GREB1: variants seen among roughly 807,000 people sequenced by gnomAD.
GREB1 encodes the protein protein GREB1.
GREB1 carries 106 observed loss-of-function variants against 200.7 expected under a neutral mutation model. The observed-to-expected ratio is 0.53, with a 90% confidence interval of 0.45 to 0.62. GREB1 has a LOEUF of 0.62. Among genes scored for constraint, GREB1 ranks in the 20% least tolerant of loss-of-function variants. The pLI is 0.00. For missense variants in GREB1, 2,243 were observed against 2,556.8 expected (o/e 0.88, Z 2.65); for synonymous variants, 1,132 against 1,092.4 (o/e 1.04, Z -0.72).
Position 11,627,751 on chromosome 2 carries a change from C to T in GREB1, c.4449+647C>T, listed in dbSNP as rs149699056. 3.7e-3 allele frequency among the ~76,000 whole-genome samples: 556 copies of T among 152,304 alleles called. 4 individuals are homozygous for T. The highest frequency in any genetic ancestry group is 0.013 in the African/African-American group (535 of 41,564). ...GGCCCTGGTGGGTCACCTGAAGCCA[C>T]GCCTGCAAGCCACCCAAGGTGTGCT... On this transcript the variant is annotated intron_variant, in intron 25 of 32. Coordinates refer to ENST00000381486, the MANE Select transcript of GREB1 (RefSeq NM_014668.4).
At chr2:11,623,771 A>T (rs955115698) in intron 23 of GREB1, among the ~76,000 whole-genome samples, 2 of 152,074 alleles carry the variant, frequency 1.3e-5, no homozygotes, top group African/African-American at 4.8e-5. Flanking sequence ...CGCGCCTGTA[A>T]TTTCAGCTAC....
At chr2:11,638,459 G>T (rs1479906692) in intron 31 of GREB1, among the ~76,000 whole-genome samples, 2 of 152,168 alleles carry the variant, frequency 1.3e-5, no homozygotes, top group East Asian at 3.9e-4. Context: ...CTGATTCTCA[G>T]ATGAACTCAT....
intron 3 of GREB1, 28 bp from the exon 4 acceptor site, chr2:11,566,452 G>A (rs949769172): frequency 1.6e-5 from 25 of 1,572,494 alleles, no homozygotes; most frequent in Non-Finnish European, 2.1e-5. Flanking sequence ...GCCCTGGGCA[G>A]CGTGTGAACC....
intron 1 of GREB1, among the ~76,000 whole-genome samples, chr2:11,546,288 A>C (rs1214012636): frequency 6.6e-6 from 1 of 152,172 alleles, no homozygotes; most frequent in Non-Finnish European, 1.5e-5. Context: ...TTTGTCATTG[A>C]GCTGTTGGAA....
chr2:11,591,820 G>C (rs1450161206), intron 10 of GREB1: 1 of 213,312 alleles, frequency 4.7e-6, no homozygotes, highest in Admixed American at 5.6e-5. Context: ...TGGTGCTCAC[G>C]TATGATGGGA....
Position 11,548,470 on chromosome 2 carries a change from C to T in GREB1, c.-161-7984C>T, listed in dbSNP as rs968799835. Among the ~76,000 whole-genome samples the T allele has an allele frequency of 1.3e-5, 2 of 152,210 alleles. No homozygotes were observed. Among genetic ancestry groups the T allele is most frequent in the Non-Finnish European group, 2.9e-5 (2 of 68,046 alleles). ...AAACTTTGTTTGAATCAGCACTCAC[C>T]ATAGACTTACAGTGTGAGTAACTAA... On this transcript the variant is annotated intron_variant, in intron 1 of 32. Transcript: ENST00000381486. This position sits in a 1 kb window ranked among gnomAD's most constrained non-coding sequence, Gnocchi z 5.1.
At chr2:11,579,723 G>A (rs73193215) in intron 6 of GREB1, among the ~76,000 whole-genome samples, 6,046 of 152,238 alleles carry the variant, frequency 0.04, 392 homozygotes, top group African/African-American at 0.13. Context: ...CTCCTGACCC[G>A]AGCTCTTTCC....
At chr2:11,562,715 T>C in intron 3 of GREB1, 133 bp downstream of exon 3, 1 of 1,091,430 alleles carries the variant, frequency 9.2e-7, no homozygotes, top group Non-Finnish European at 1.3e-6. Flanking sequence ...TTCCCTGAGG[T>C]GTGAGCCATG....
intron 15 of GREB1, among the ~76,000 whole-genome samples, chr2:11,599,742 G>T (rs972737850): frequency 2.0e-5 from 3 of 152,042 alleles, no homozygotes; most frequent in South Asian, 2.1e-4. Context: ...GGATGGTCTC[G>T]ATCTCCTGAC....
Position 11,640,173 on chromosome 2 carries a change from C to A in GREB1, c.5687-118C>A. 1.1e-6 allele frequency: 1 copy of A among 906,104 alleles called. No homozygotes were observed. The highest frequency in any genetic ancestry group is 2.6e-5 in the East Asian group (1 of 38,628). 56.1% of individuals were successfully genotyped at this position (906,104 alleles called of 1,614,324 possible). ...AGAAGCAAGGGGCCGACTTGGATGC[C>A]GCTTCTGCCCTTCCCAACAGCGCCC... On this transcript the variant is annotated intron_variant, in intron 32 of 32. Transcript: ENST00000381486. The surrounding 1 kb of genome is among the most constrained non-coding windows in gnomAD (Gnocchi z 4.6).
chr2:11,640,450 T>C lies in GREB1; in HGVS notation c.5846T>C (p.Ile1949Thr), dbSNP rs1335361002. Residue 1949 changes from isoleucine to threonine, a missense_variant, in exon 33 of 33, where the codon ATC (isoleucine) becomes ACC (threonine). Physicochemically the swap from Ile to Thr is moderately conservative, Grantham distance 89 (BLOSUM62 -1). Around this residue, in one of 3 missense-constraint regions of GREB1, gnomAD observed 478 missense variants for 616.3 expected, o/e 0.78. Transcript: ENST00000381486. The surrounding 1 kb of genome is among the most constrained non-coding windows in gnomAD (Gnocchi z 4.6). ...CTCTTTTTTCTGACGGGACGACACA[T>C]CTGAGGAAGACAGCGGCGAGTTTTC... ...RPLFFLTGRHI is the reference protein window; with the variant it reads ...RPLFFLTGRHT 6.3e-7 allele frequency: 1 copy of C among 1,593,100 alleles called. No homozygotes were observed. Among genetic ancestry groups the C allele is most frequent in the African/African-American group, 1.3e-5 (1 of 74,096 alleles).
chr2:11,584,303 G>A (rs186226022), intron 7 of GREB1, among the ~76,000 whole-genome samples: 16 of 152,206 alleles, frequency 1.1e-4, no homozygotes, highest in African/African-American at 3.9e-4. Flanking sequence ...TTTGAGTCAT[G>A]AGCATGCTGT....
chr2:11,600,698 TG>T (rs1311153434), intron 15 of GREB1, 101 bp from the exon 16 acceptor site: 2 of 894,046 alleles, frequency 2.2e-6, no homozygotes, highest in Admixed American at 4.1e-5. Context: ...CTTTAGTCGT[TG>T]GTAAAGTCAG....
intron 21 of GREB1, among the ~76,000 whole-genome samples, chr2:11,617,731 C>CG: frequency 6.6e-6 from 1 of 152,136 alleles, no homozygotes; most frequent in Non-Finnish European, 1.5e-5. Flanking sequence ...TTGTTGGGGC[C>CG]GGGGGTGTGC....
Position 11,637,751 on chromosome 2 carries a change from G to T in GREB1, c.5382G>T (p.Gln1794His). Residue 1794 changes from glutamine to histidine, a missense_variant, in exon 31 of 33, where the codon CAG (glutamine) becomes CAT (histidine). Gln to His is a conservative substitution (Grantham distance 24). Around this residue, in one of 3 missense-constraint regions of GREB1, gnomAD observed 478 missense variants for 616.3 expected, o/e 0.78. Transcript: ENST00000381486. ...ACTCTGCCGCGGTCGTGCCGGCCCA[G>T]TACATCTGTGCCCCGGACAGCAAGC... The part of the protein sequence containing the change: ...SDNSAAVVPA[Q>H]YICAPDSKHT... 1 of 1,613,856 alleles carries T rather than the reference G, an allele frequency of 6.2e-7. No homozygotes were observed.
At position 11,578,386 on chromosome 2, in the gene GREB1, G is replaced by C; in HGVS notation, c.727G>C (p.Val243Leu). The C allele has an allele frequency of 1.2e-6, 2 of 1,613,964 alleles. No individual in the cohort carries two copies. The highest frequency in any genetic ancestry group is 4.5e-5 in the East Asian group (2 of 44,876). Reference sequence around the variant, plus strand: ...CACGGCTGCCTTCCCCAGCGAGCCCGTTCCTGGGACGAACCCCAGCATCCT... The same window carrying C: ...CACGGCTGCCTTCCCCAGCGAGCCCCTTCCTGGGACGAACCCCAGCATCCT... The part of the protein sequence containing the change: ...ESTAAFPSEP[V>L]PGTNPSILMG... The change falls in exon 6 of 33, where the codon GTT becomes CTT. Residue 243 changes from valine to leucine, a missense_variant. Transcript: ENST00000381486.
intron 19 of GREB1, 127 bp downstream of exon 19, chr2:11,612,737 T>C: frequency 1.6e-6 from 1 of 615,068 alleles, no homozygotes; most frequent in South Asian, 1.9e-5. Flanking sequence ...ACAGGCCCCG[T>C]GGGTGGGGCC....
intron 1 of GREB1, among the ~76,000 whole-genome samples, chr2:11,555,930 G>GGGGGGATAGAAAATAAATCTCTT (rs1676391667): frequency 6.6e-6 from 1 of 152,066 alleles, no homozygotes; most frequent in African/African-American, 2.4e-5. Context: ...TGTGATTTTT[G>GGGGGGATAGAAAATAAATCTCTT]GGGGGATAGA....
chr2:11,641,789 A>G lies in GREB1; in HGVS notation c.*1335A>G, dbSNP rs1036964450. The G allele has an allele frequency of 6.6e-6, 1 of 152,260 alleles. No individual in the cohort carries two copies. Among genetic ancestry groups the G allele is most frequent in the African/African-American group, 2.4e-5 (1 of 41,396 alleles). 9.4% of individuals were successfully genotyped at this position (152,260 alleles called of 1,614,324 possible). A position where few individuals can be genotyped will look rare whatever the true frequency, so the allele number is the denominator to read the frequency against. The stretch of plus-strand genomic sequence containing the variant: ...GCGTGAGCCACCGTGCCTGCCCCAG[A>G]ATGGTTTTTAAAGCCACAGTTGAGA... On this transcript the variant is annotated 3_prime_UTR_variant, in exon 33 of 33. Coordinates refer to ENST00000381486, the MANE Select transcript of GREB1 (RefSeq NM_014668.4).
Sources: allele counts gnomAD v4.1 joint callset (sites outside exome capture counted in the v4.1 genomes callset), GRCh38; gene constraint gnomAD v4.1.1; regional missense constraint gnomAD v4.1.1; non-coding constraint Gnocchi (gnomAD v3.1); transcripts MANE v1.5; gene names NCBI Gene and HGNC (gene_info 2026-07-23, HGNC 2026-07-21).